Variants in LARS2 observed in about 807,000 individuals in gnomAD.
LARS2 encodes the protein leucine--tRNA ligase, mitochondrial.
A neutral mutation model predicts 116.6 loss-of-function variants in LARS2; 81 were observed. That is an observed-to-expected ratio of 0.69 (90% CI 0.58 to 0.84). The LOEUF (loss-of-function observed/expected upper bound fraction) is 0.84, where lower values mean the gene tolerates loss of function less well. Among genes scored for constraint, LARS2 ranks in the 40% least tolerant of loss-of-function variants. The pLI is 0.00. For synonymous variants in LARS2, 396 were observed against 407.2 expected (o/e 0.97, Z 0.33); for missense variants, 968 against 1,114.5 (o/e 0.87, Z 1.87).
intron 8 of LARS2, among the ~76,000 whole-genome samples, chr3:45,471,858 TAGA>T (rs1408322827): frequency 1.3e-5 from 2 of 152,212 alleles, no homozygotes; most frequent in African/African-American, 4.8e-5. Flanking sequence ...TTAATTTTAT[TAGA>T]AGATTAATTG....
chr3:45,447,121 GT>G, intron 7 of LARS2, 141 bp downstream of exon 7: 1 of 553,148 alleles, frequency 1.8e-6, no homozygotes. Flanking sequence ...TCCTACTTAA[GT>G]TTAGTGTCAT....
intron 8 of LARS2, among the ~76,000 whole-genome samples, chr3:45,463,290 CT>C (rs1378400595): frequency 6.6e-6 from 1 of 152,252 alleles, no homozygotes; most frequent in African/African-American, 2.4e-5. Flanking sequence ...GCATTGCAGG[CT>C]TTCAGCCCCT....
intron 21 of LARS2, among the ~76,000 whole-genome samples, chr3:45,545,656 A>G (rs1700864521): frequency 6.6e-6 from 1 of 152,218 alleles, no homozygotes; most frequent in East Asian, 1.9e-4. Context: ...CGATGGCCAC[A>G]TTCAGAGATC....
intron 7 of LARS2, among the ~76,000 whole-genome samples, chr3:45,450,812 T>G (rs973326975): frequency 2.0e-5 from 3 of 152,282 alleles, no homozygotes; most frequent in African/African-American, 7.2e-5. Flanking sequence ...TTTCACACAG[T>G]GTATGAGGGT....
At chr3:45,483,423 C>T (rs1699739624) in intron 10 of LARS2, among the ~76,000 whole-genome samples, 1 of 152,056 alleles carries the variant, frequency 6.6e-6, no homozygotes, top group Non-Finnish European at 1.5e-5. Context: ...CTGAGACAGG[C>T]AGATCATCTG....
rs565202750 is a variant in LARS2 at position 45,520,308 on chromosome 3, G to A, written c.2292+12G>A. On this transcript the variant is annotated intron_variant, in intron 19 of 21. Coordinates refer to ENST00000645846, the MANE Select transcript of LARS2 (RefSeq NM_015340.4). ...GCAATGCCCTCTCGGTAAGTGGCCT[G>A]TCCTCATTTGCTGGTAGCAGAGGAG... 4 of 1,605,786 alleles carry A rather than the reference G, an allele frequency of 2.5e-6. No homozygotes were observed. In the African/African-American group the frequency reaches 4.0e-5, roughly 16 times the overall value.
In LARS2 at chr3:45,519,249, T is replaced by A. The variant is rs140334488; in HGVS notation, c.2215-970T>A. On this transcript the variant is annotated intron_variant, in intron 18 of 21. Transcript: ENST00000645846. ...GCTCACACCTATAATCCCAGCACTT[T>A]GGGAGGCCAAGGCGGGCAGATCACA... Among the ~76,000 whole-genome samples the A allele has an allele frequency of 5.6e-4, 85 of 152,108 alleles. 1 individual carries two copies. Among genetic ancestry groups the A allele is most frequent in the Middle Eastern group, 6.8e-3 (2 of 294 alleles).
At chr3:45,535,926 A>C (rs1255999329) in intron 20 of LARS2, among the ~76,000 whole-genome samples, 1 of 152,164 alleles carries the variant, frequency 6.6e-6, no homozygotes, top group Non-Finnish European at 1.5e-5. Context: ...ACAGGACCTC[A>C]CATAGGACCT....
At chr3:45,513,939 C>A (rs1203554609) in intron 16 of LARS2, among the ~76,000 whole-genome samples, 3 of 152,204 alleles carry the variant, frequency 2.0e-5, no homozygotes, top group African/African-American at 7.2e-5. Flanking sequence ...GGTGTGGTAG[C>A]TCACGCCTGT....
intron 6 of LARS2, among the ~76,000 whole-genome samples, chr3:45,432,954 T>C (rs983694554): frequency 6.6e-6 from 1 of 152,078 alleles, no homozygotes; most frequent in Non-Finnish European, 1.5e-5. Flanking sequence ...CTGAAGTCTA[T>C]TTTATGATAT....
chr3:45,413,074 T>C (rs1472775981), intron 4 of LARS2, among the ~76,000 whole-genome samples: 2 of 152,240 alleles, frequency 1.3e-5, no homozygotes, highest in Non-Finnish European at 2.9e-5. Flanking sequence ...GGCCAAGTAC[T>C]TGATTGGCCC....
chr3:45,404,084 T>C (rs1698196907), intron 4 of LARS2, among the ~76,000 whole-genome samples: 1 of 152,202 alleles, frequency 6.6e-6, no homozygotes, highest in Admixed American at 6.5e-5. Context: ...AAATGAATCT[T>C]GTAATTCATA....
chr3:45,516,047 A>G, intron 16 of LARS2, 47 bp from the exon 17 acceptor site: 1 of 1,477,582 alleles, frequency 6.8e-7, no homozygotes, highest in Non-Finnish European at 9.3e-7. Flanking sequence ...CTATAGAAGC[A>G]ATTCACAATG....
At chr3:45,400,209 A>G (rs1353352528) in intron 3 of LARS2, 36 bp from the exon 4 acceptor site, 1 of 1,593,480 alleles carries the variant, frequency 6.3e-7, no homozygotes, top group Non-Finnish European at 8.6e-7. Flanking sequence ...GTTCCCAGAA[A>G]ATGCTTAATA....
At chr3:45,492,036 G>A (rs1035198955) in intron 13 of LARS2, among the ~76,000 whole-genome samples, 5 of 152,352 alleles carry the variant, frequency 3.3e-5, no homozygotes, top group South Asian at 2.1e-4. Flanking sequence ...AGCAGTGTCA[G>A]TTCAGATCTA....
chr3:45,512,377 C>T (rs1440586674), intron 15 of LARS2, among the ~76,000 whole-genome samples: 1 of 152,214 alleles, frequency 6.6e-6, no homozygotes, highest in African/African-American at 2.4e-5. Context: ...GAATAAACAA[C>T]TGCAAATTTG....
chr3:45,429,243 G>A (rs1698650427), intron 6 of LARS2, among the ~76,000 whole-genome samples: 1 of 152,196 alleles, frequency 6.6e-6, no homozygotes, highest in Admixed American at 6.5e-5. Context: ...TCCTCTGCGA[G>A]CGTCTTACAA....
chr3:45,469,025 C>T (rs1699479160), intron 8 of LARS2, among the ~76,000 whole-genome samples: 1 of 152,170 alleles, frequency 6.6e-6, no homozygotes, highest in Admixed American at 6.5e-5. Context: ...TGCCTCTTTT[C>T]CTCTTGCCCT....
chr3:45,524,773 G>A (rs1263367507), intron 20 of LARS2, among the ~76,000 whole-genome samples: 2 of 152,108 alleles, frequency 1.3e-5, no homozygotes, highest in Admixed American at 6.5e-5. Flanking sequence ...TTTCGTTGAC[G>A]TAAAAGATTT....
Sources: allele counts gnomAD v4.1 joint callset (sites outside exome capture counted in the v4.1 genomes callset), GRCh38; gene constraint gnomAD v4.1.1; transcripts MANE v1.5; gene names NCBI Gene and HGNC (gene_info 2026-07-23, HGNC 2026-07-21).